The following ZHX2 variants were observed in gnomAD, a reference collection of about 807,000 sequenced individuals.
ZHX2 encodes zinc fingers and homeoboxes protein 2.
In ZHX2, 6 loss-of-function variants were observed where a neutral mutation model predicts 21.9. The observed-to-expected ratio is 0.27, with a 90% CI of 0.15 to 0.54. The LOEUF (loss-of-function observed/expected upper bound fraction) is 0.54. ZHX2 is among the 20% of genes least tolerant of loss of function. The probability of loss-of-function intolerance (pLI) is 0.95; values close to 1 mark genes in which losing one functional copy is unlikely to be tolerated. For missense variants in ZHX2, 908 were observed against 1,090.7 expected (o/e 0.83, Z 2.36); for synonymous variants, 434 against 437.1 (o/e 0.99, Z 0.09).
chr8:122,844,292 C>T (rs1818705174), intron 1 of ZHX2, among the ~76,000 whole-genome samples: 3 of 152,350 alleles, frequency 2.0e-5, no homozygotes, highest in South Asian at 4.1e-4. Flanking sequence ...TCCACACCCT[C>T]GAAGGCAGCT....
intron 2 of ZHX2, among the ~76,000 whole-genome samples, chr8:122,909,787 G>C (rs1456198934): frequency 6.6e-6 from 1 of 152,138 alleles, no homozygotes; most frequent in African/African-American, 2.4e-5. Flanking sequence ...GCCTCTTCCG[G>C]AAGTCTTGGG....
At chr8:122,881,649 A>G (rs149485512) in intron 2 of ZHX2, among the ~76,000 whole-genome samples, 1 of 152,208 alleles carries the variant, frequency 6.6e-6, no homozygotes, top group African/African-American at 2.4e-5. Context: ...TGAAACCGCA[A>G]AAGGCATCTC....
chr8:122,902,063 A>G (rs1820243342), intron 2 of ZHX2, among the ~76,000 whole-genome samples: 2 of 152,226 alleles, frequency 1.3e-5, no homozygotes, highest in Admixed American at 1.3e-4. Context: ...AAAACAGAAT[A>G]AGTAGCCTGC....
intron 2 of ZHX2, among the ~76,000 whole-genome samples, chr8:122,899,222 C>A (rs1310567503): frequency 6.6e-6 from 1 of 152,106 alleles, no homozygotes; most frequent in Non-Finnish European, 1.5e-5. Context: ...CTCAGAGCTA[C>A]AACCCCCTCT....
rs35726514 is a variant in ZHX2, at chr8:122,787,088, G to GGTGTGTGT, written c.-283+5161_-283+5168dup. Among the ~76,000 whole-genome samples, 1,188 of 148,534 alleles carry GGTGTGTGT rather than the reference G, an allele frequency of 8.0e-3. 18 individuals are homozygous for GGTGTGTGT. Among genetic ancestry groups the GGTGTGTGT allele is most frequent in the African/African-American group, 0.026 (1,064 of 40,210 alleles). ...CAGTTAAGAGGGGTTGATTGGCAGT[G>GGTGTGTGT]GTGTGTGTGTGTGTGTGTGTGTGTG... is the stretch of plus-strand genomic sequence containing the variant. On this transcript the variant is annotated intron_variant, in intron 1 of 3. Coordinates refer to ENST00000314393, the MANE Select transcript of ZHX2 (RefSeq NM_014943.5).
At chr8:122,908,853 C>T (rs189032395) in intron 2 of ZHX2, among the ~76,000 whole-genome samples, 56 of 152,312 alleles carry the variant, frequency 3.7e-4, no homozygotes, top group Non-Finnish European at 5.3e-4. Flanking sequence ...ATGTTGGCTT[C>T]GGCTCTGAGC....
intron 3 of ZHX2, among the ~76,000 whole-genome samples, chr8:122,970,967 G>A (rs190337936): frequency 6.6e-6 from 1 of 152,346 alleles, no homozygotes; most frequent in Non-Finnish European, 1.5e-5. Context: ...GGTACAGGGA[G>A]GAGCAATTAA....
chr8:122,912,011 C>T (rs2130014921), intron 2 of ZHX2, among the ~76,000 whole-genome samples: 1 of 152,186 alleles, frequency 6.6e-6, no homozygotes, highest in South Asian at 2.1e-4. Flanking sequence ...GCTCTGGGGG[C>T]CCAGATAAGA....
intron 2 of ZHX2, among the ~76,000 whole-genome samples, chr8:122,867,165 C>T (rs1204935073): frequency 2.0e-5 from 3 of 152,166 alleles, no homozygotes; most frequent in African/African-American, 7.2e-5. Flanking sequence ...GTCTACCTTC[C>T]TGCATCCTAC....
In ZHX2 at chr8:122,920,145, A is replaced by G. The variant is rs1820702866; in HGVS notation, c.-219-31147A>G. Among the ~76,000 whole-genome samples, 3 of 152,106 alleles carry G rather than the reference A, an allele frequency of 2.0e-5. No homozygotes were observed. The South Asian group carries it at 6.2e-4, about 32-fold the overall frequency. Reference sequence around the variant, plus strand: ...AAAAATTAGCCAGGTGTGGTAGTACATGCCTATAATTCCAGCTACTTGAGA... The same window carrying G: ...AAAAATTAGCCAGGTGTGGTAGTACGTGCCTATAATTCCAGCTACTTGAGA... On this transcript the variant is annotated intron_variant, in intron 2 of 3. Transcript: ENST00000314393.
At chr8:122,830,086 G>A (rs139402104) in intron 1 of ZHX2, among the ~76,000 whole-genome samples, 33 of 152,336 alleles carry the variant, frequency 2.2e-4, no homozygotes, top group Non-Finnish European at 4.3e-4. Flanking sequence ...AACCCTGAGC[G>A]TGTGCCGACA....
intron 1 of ZHX2, among the ~76,000 whole-genome samples, chr8:122,792,013 T>A (rs1422895241): frequency 6.6e-6 from 1 of 152,196 alleles, no homozygotes; most frequent in Non-Finnish European, 1.5e-5. Context: ...AAGTGTACAA[T>A]TTATTGACTT....
chr8:122,898,972 G>C (rs1442845851), intron 2 of ZHX2, among the ~76,000 whole-genome samples: 1 of 152,132 alleles, frequency 6.6e-6, no homozygotes, highest in Non-Finnish European at 1.5e-5. Flanking sequence ...CAGTGGTTTT[G>C]CACAGACTTG....
At chr8:122,908,291 C>T (rs1277647805) in intron 2 of ZHX2, among the ~76,000 whole-genome samples, 2 of 152,168 alleles carry the variant, frequency 1.3e-5, no homozygotes, top group Non-Finnish European at 2.9e-5. Flanking sequence ...CCTCCGCCTC[C>T]CGAGTTCAAG....
intron 1 of ZHX2, among the ~76,000 whole-genome samples, chr8:122,820,111 A>T (rs1477604153): frequency 1.3e-5 from 2 of 152,214 alleles, no homozygotes; most frequent in Non-Finnish European, 2.9e-5. Flanking sequence ...GATAGCAAGA[A>T]TACATTTTTT....
At chr8:122,802,825 G>A (rs1016872315) in intron 1 of ZHX2, among the ~76,000 whole-genome samples, 1 of 152,146 alleles carries the variant, frequency 6.6e-6, no homozygotes, top group East Asian at 1.9e-4. Flanking sequence ...CGCTTCTCTG[G>A]GATACTGTGT....
intron 2 of ZHX2, among the ~76,000 whole-genome samples, chr8:122,872,694 CTT>C (rs966872476): frequency 9.8e-5 from 15 of 152,310 alleles, no homozygotes; most frequent in African/African-American, 3.6e-4. Flanking sequence ...ATTAGTCAGA[CTT>C]TTGGTTACAA....
At chr8:122,795,041 C>T in intron 1 of ZHX2, among the ~76,000 whole-genome samples, 1 of 152,212 alleles carries the variant, frequency 6.6e-6, no homozygotes, top group African/African-American at 2.4e-5. Flanking sequence ...TCCTGTTTGT[C>T]TCCGTGTTCC....
At chr8:122,798,230 G>A (rs1211736539) in intron 1 of ZHX2, among the ~76,000 whole-genome samples, 1 of 152,162 alleles carries the variant, frequency 6.6e-6, no homozygotes, top group African/African-American at 2.4e-5. Flanking sequence ...AAGTGTTAGG[G>A]ATGCTGGACA....
Sources: allele counts gnomAD v4.1 joint callset (sites outside exome capture counted in the v4.1 genomes callset), GRCh38; gene constraint gnomAD v4.1.1; transcripts MANE v1.5; gene names NCBI Gene and HGNC (gene_info 2026-07-23, HGNC 2026-07-21).